The following CNTNAP5 variants were observed in gnomAD, a reference collection of about 807,000 sequenced individuals.
The protein encoded by CNTNAP5 is contactin associated protein family member 5, also known as contactin-associated protein-like 5.
Under a neutral mutation model 150.2 loss-of-function variants are expected in CNTNAP5, and 72 were observed. The observed-to-expected ratio is 0.48, with a 90% CI of 0.40 to 0.58. The LOEUF is 0.58. Ranked by LOEUF, CNTNAP5 falls within the 20% of genes least tolerant of loss-of-function variation. The pLI is 0.00. For missense variants in CNTNAP5, 1,636 were observed against 1,626.2 expected, an observed-to-expected ratio of 1.01 and a Z score of -0.10; for synonymous variants, 672 against 619.8, an observed-to-expected ratio of 1.08 and a Z score of -1.25.
intron 11 of CNTNAP5, among the ~76,000 whole-genome samples, chr2:124,603,189 G>C (rs1221483735): frequency 6.6e-6 from 1 of 151,902 alleles, no homozygotes; most frequent in African/African-American, 2.4e-5. Flanking sequence ...TGCCATTTTT[G>C]TTGAAGAAAC....
chr2:124,200,931 C>T (rs1280302395), intron 1 of CNTNAP5, among the ~76,000 whole-genome samples: 1 of 152,156 alleles, frequency 6.6e-6, no homozygotes, highest in Non-Finnish European at 1.5e-5. Flanking sequence ...CAGGCCAAAT[C>T]ACCTCTAAGA....
intron 13 of CNTNAP5, among the ~76,000 whole-genome samples, chr2:124,664,652 AAATACATGC>A (rs1573533069): frequency 6.6e-6 from 1 of 152,172 alleles, no homozygotes; most frequent in Non-Finnish European, 1.5e-5. Context: ...GCCCTGAATG[AAATACATGC>A]AATCCGCAGG....
intron 12 of CNTNAP5, among the ~76,000 whole-genome samples, chr2:124,630,908 C>A (rs1201879311): frequency 6.6e-6 from 1 of 152,084 alleles, no homozygotes; most frequent in Admixed American, 6.5e-5. Context: ...GCAGAAATCA[C>A]AAGCATTCCT....
chr2:124,443,262 TATCATATGTATATAC>T (rs1692721523), intron 5 of CNTNAP5, among the ~76,000 whole-genome samples: 1 of 148,986 alleles, frequency 6.7e-6, no homozygotes, highest in Non-Finnish European at 1.5e-5. Context: ...TATAATTATG[TATCATATGTATATAC>T]ATCATATGTT....
At chr2:124,612,612 C>T (rs1014570024) in intron 12 of CNTNAP5, among the ~76,000 whole-genome samples, 6 of 152,080 alleles carry the variant, frequency 3.9e-5, no homozygotes, top group Non-Finnish European at 7.4e-5. Flanking sequence ...CTGATATGAT[C>T]CTGAAGAAAT....
chr2:124,060,406 A>C (rs1681976206), intron 1 of CNTNAP5, among the ~76,000 whole-genome samples: 1 of 152,240 alleles, frequency 6.6e-6, no homozygotes, highest in Non-Finnish European at 1.5e-5. Flanking sequence ...AATTATTCAG[A>C]TGCTCATGGG....
At chr2:124,908,158 G>T (rs879408607) in intron 22 of CNTNAP5, among the ~76,000 whole-genome samples, 4 of 151,984 alleles carry the variant, frequency 2.6e-5, no homozygotes, top group Non-Finnish European at 4.4e-5. Flanking sequence ...AGATCACAAG[G>T]TGAGGAGTTT....
intron 3 of CNTNAP5, among the ~76,000 whole-genome samples, chr2:124,242,958 A>T (rs189587440): frequency 6.6e-5 from 10 of 152,328 alleles, no homozygotes; most frequent in African/African-American, 2.4e-4. Context: ...ATTTAGAATT[A>T]TTCTGTCATT....
intron 11 of CNTNAP5, among the ~76,000 whole-genome samples, chr2:124,605,431 A>C (rs528510884): frequency 1.3e-5 from 2 of 152,256 alleles, no homozygotes; most frequent in Admixed American, 1.3e-4. Context: ...TTCTGCAATG[A>C]GAAAGTTAAA....
chr2:124,512,267 C>T (rs1694610253), intron 8 of CNTNAP5, among the ~76,000 whole-genome samples: 1 of 151,912 alleles, frequency 6.6e-6, no homozygotes, highest in Non-Finnish European at 1.5e-5. Context: ...GCACAGTGTA[C>T]TGCCCTGATG....
chr2:124,227,228 T>C (rs1686482704), intron 2 of CNTNAP5, among the ~76,000 whole-genome samples: 1 of 152,160 alleles, frequency 6.6e-6, no homozygotes, highest in Admixed American at 6.5e-5. Flanking sequence ...CCTCAACACT[T>C]CAACTTCCAG....
intron 1 of CNTNAP5, among the ~76,000 whole-genome samples, chr2:124,215,429 C>T (rs1350867744): frequency 2.0e-5 from 3 of 151,098 alleles, no homozygotes; most frequent in African/African-American, 4.9e-5. Flanking sequence ...ATCATATTTA[C>T]TTGGAATTCT....
chr2:124,063,894 C>T (rs1476598585), intron 1 of CNTNAP5, among the ~76,000 whole-genome samples: 1 of 152,070 alleles, frequency 6.6e-6, no homozygotes, highest in African/African-American at 2.4e-5. Flanking sequence ...TCAGCTTATG[C>T]CCATTTAACC....
intron 1 of CNTNAP5, among the ~76,000 whole-genome samples, chr2:124,168,226 C>G (rs1449771843): frequency 1.3e-5 from 2 of 152,168 alleles, no homozygotes; most frequent in African/African-American, 4.8e-5. Context: ...TAAGTCCACA[C>G]TATAGCATAG....
chr2:124,919,506 G>T lies in CNTNAP5; in HGVS notation c.*5218G>T, dbSNP rs189292539. ...ACACCTGCTGCGAACTTGACGAGGA[G>T]GAAGAGGGGCCAGTGGCAGTAATTG... On this transcript the variant is annotated 3_prime_UTR_variant, in exon 24 of 24. Coordinates refer to ENST00000682447, the MANE Select transcript of CNTNAP5 (RefSeq NM_001367498.1). Among the ~76,000 whole-genome samples, 132 of 152,212 alleles carry T rather than the reference G, an allele frequency of 8.7e-4. 1 individual carries two copies. The highest frequency in any genetic ancestry group is 3.0e-3 in the African/African-American group (126 of 41,566).
chr2:124,129,225 A>C (rs1240484958), intron 1 of CNTNAP5, among the ~76,000 whole-genome samples: 1 of 152,124 alleles, frequency 6.6e-6, no homozygotes, highest in African/African-American at 2.4e-5. Context: ...AAAAGAGATA[A>C]AGTTATAAGC....
At chr2:124,474,052 A>AG (rs1693581993) in intron 6 of CNTNAP5, among the ~76,000 whole-genome samples, 1 of 151,986 alleles carries the variant, frequency 6.6e-6, no homozygotes, top group South Asian at 2.1e-4. Flanking sequence ...ATTTCCTCCC[A>AG]GACTATGCTT....
chr2:124,361,613 G>T (rs1196827059), intron 3 of CNTNAP5, among the ~76,000 whole-genome samples: 2 of 139,336 alleles, frequency 1.4e-5, no homozygotes, highest in African/African-American at 5.5e-5. Context: ...CTCCCAGTTA[G>T]GCTGCTCGGG....
intron 1 of CNTNAP5, among the ~76,000 whole-genome samples, chr2:124,157,174 GGTTGCAC>G (rs5834045): frequency 0.32 from 49,223 of 151,758 alleles, 8,906 homozygotes; most frequent in Admixed American, 0.4. Flanking sequence ...AGGATTTGCA[GGTTGCAC>G]CGTGAGTCTG....
Sources: gnomAD v4.1 joint callset for allele counts (sites outside exome capture counted in the v4.1 genomes callset) on GRCh38, gnomAD v4.1.1 for gene constraint, MANE v1.5 for transcripts, NCBI Gene and HGNC (gene_info 2026-07-23, HGNC 2026-07-21) for gene names.